Variants in IFIH1 observed in about 807,000 individuals in gnomAD.
The protein encoded by IFIH1 is interferon induced with helicase C domain 1.
A neutral mutation model predicts 107.4 loss-of-function variants in IFIH1; 125 were observed. That is an observed-to-expected ratio of 1.16 (90% CI 1.01 to 1.35). IFIH1 has a LOEUF of 1.35. IFIH1 is among the 40% of genes most tolerant of loss of function. The pLI is 0.00. For missense variants in IFIH1, 1,333 were observed against 1,213.7 expected (o/e 1.10, Z -1.46); for synonymous variants, 458 against 413.2 (o/e 1.11, Z -1.31).
chr2:162,316,648 A>AAG (rs1040656055), intron 1 of IFIH1, among the ~76,000 whole-genome samples: 28 of 152,140 alleles, frequency 1.8e-4, no homozygotes, highest in African/African-American at 6.7e-4. Flanking sequence ...GATGACCCAA[A>AAG]AGAGAGAGAG....
rs1048962898 is a variant in IFIH1, at chr2:162,310,925, A to C, written c.462T>G (p.Ala154=). ...LTIEDRNRIA[A]AENNGNESGV... ...CTGATTCATTTCCATTGTTTTCTGC[A>C]GCAGCAATCTGTTGTAAGAGAAAAT... The change falls in exon 2 of 16, where the codon GCT becomes GCG. Residue 154 remains alanine (A), a synonymous_variant. Coordinates refer to ENST00000649979, the MANE Select transcript of IFIH1 (RefSeq NM_022168.4). 8 of 1,612,342 alleles carry C rather than the reference A, an allele frequency of 5.0e-6. No homozygotes were observed. The highest frequency in any genetic ancestry group is 1.3e-5 in the African/African-American group (1 of 74,856).
intron 2 of IFIH1, among the ~76,000 whole-genome samples, chr2:162,307,429 A>T (rs987503599): frequency 1.3e-5 from 2 of 152,200 alleles, no homozygotes; most frequent in African/African-American, 4.8e-5. Context: ...CATCTGCTTT[A>T]ATGTCAGCCT....
intron 5 of IFIH1, among the ~76,000 whole-genome samples, chr2:162,285,908 T>G (rs1682884636): frequency 6.6e-6 from 1 of 151,964 alleles, no homozygotes; most frequent in African/African-American, 2.4e-5. Flanking sequence ...TGTTCTAGTT[T>G]AAGAGATTTT....
chr2:162,283,997 A>C (rs1306575109), intron 5 of IFIH1, among the ~76,000 whole-genome samples: 1 of 151,480 alleles, frequency 6.6e-6, no homozygotes, highest in African/African-American at 2.4e-5. Flanking sequence ...TTTTTTTCAA[A>C]GTAAAGTCTC....
chr2:162,305,329 G>C (rs2105225502), intron 3 of IFIH1, among the ~76,000 whole-genome samples: 1 of 152,284 alleles, frequency 6.6e-6, no homozygotes, highest in African/African-American at 2.4e-5. Context: ...CAGCACTTTG[G>C]GAGGCCGAGT....
chr2:162,313,020 C>T (rs958171681), intron 1 of IFIH1, among the ~76,000 whole-genome samples: 1 of 152,114 alleles, frequency 6.6e-6, no homozygotes, highest in African/African-American at 2.4e-5. Context: ...ATTTTTCAAG[C>T]TTTCTTTGCC....
At chr2:162,304,551 T>A (rs1466292764) in intron 3 of IFIH1, among the ~76,000 whole-genome samples, 1 of 151,952 alleles carries the variant, frequency 6.6e-6, no homozygotes, top group Non-Finnish European at 1.5e-5. Flanking sequence ...GTGAAAAAAA[T>A]TGGTACTATT....
At chr2:162,271,140 G>T (rs1202181131) in intron 13 of IFIH1, among the ~76,000 whole-genome samples, 4 of 152,084 alleles carry the variant, frequency 2.6e-5, no homozygotes, top group Non-Finnish European at 5.9e-5. Flanking sequence ...TCAAATAACT[G>T]TGTGTTAGTA....
chr2:162,295,865 G>A (rs1460300190), intron 3 of IFIH1, among the ~76,000 whole-genome samples: 1 of 151,952 alleles, frequency 6.6e-6, no homozygotes, highest in Non-Finnish European at 1.5e-5. Flanking sequence ...AAAAGGCAAG[G>A]TGTAAAATGA....
In IFIH1 at chr2:162,288,294, T is replaced by C. The variant is rs141400192; in HGVS notation, c.936A>G (p.Gln312=). ...CCAAGGCTGGCTGGGCAACTTCCAT[T>C]TGGTAAGGCCTGAGCTGGAGTTCTG... The part of the protein sequence containing the change: ...PEPELQLRPY[Q]MEVAQPALEG... Residue 312 remains glutamine, a synonymous_variant, in exon 5 of 16, where the codon CAA becomes CAG. Coordinates refer to ENST00000649979, the MANE Select transcript of IFIH1 (RefSeq NM_022168.4). 5.5e-5 allele frequency: 88 copies of C among 1,612,710 alleles called. No homozygotes were observed. The highest frequency in any genetic ancestry group is 1.7e-6 in the Non-Finnish European group (2 of 1,179,256).
chr2:162,271,141 T>C (rs935065356), intron 13 of IFIH1, among the ~76,000 whole-genome samples: 2 of 152,098 alleles, frequency 1.3e-5, no homozygotes, highest in African/African-American at 2.4e-5. Flanking sequence ...CAAATAACTG[T>C]GTGTTAGTAA....
intron 11 of IFIH1, 87 bp downstream of exon 11, chr2:162,276,600 G>A (rs770228217): frequency 6.1e-5 from 88 of 1,435,468 alleles, no homozygotes; most frequent in Non-Finnish European, 7.1e-5. Context: ...GCGAGGCCTC[G>A]TCTGAAAGAA....
chr2:162,283,352 G>C (rs183043210), intron 5 of IFIH1, among the ~76,000 whole-genome samples: 1 of 151,946 alleles, frequency 6.6e-6, no homozygotes, highest in African/African-American at 2.4e-5. Flanking sequence ...TGGAAACTTC[G>C]GGTCCTTCTC....
intron 10 of IFIH1, among the ~76,000 whole-genome samples, 161 bp from the exon 11 acceptor site, chr2:162,277,107 C>A (rs1682696799): frequency 6.6e-6 from 1 of 152,066 alleles, no homozygotes; most frequent in Non-Finnish European, 1.5e-5. Context: ...GTAAAACATA[C>A]AACGAATTAC....
intron 4 of IFIH1, among the ~76,000 whole-genome samples, chr2:162,291,006 T>C (rs1421267717): frequency 1.3e-5 from 2 of 151,862 alleles, no homozygotes; most frequent in South Asian, 2.1e-4. Context: ...AATGTTTGGG[T>C]TTTTGATTGT....
chr2:162,308,618 T>C (rs1683332091), intron 2 of IFIH1, among the ~76,000 whole-genome samples: 2 of 152,178 alleles, frequency 1.3e-5, no homozygotes, highest in South Asian at 4.1e-4. Context: ...CCTCAGGTGA[T>C]CCACCCGTCT....
chr2:162,271,863 C>T lies in IFIH1; in HGVS notation c.2616+363G>A, dbSNP rs114170801. ...ATAAGGTTACCTGGCACACAGTAGG[C>T]GTTTCATCTACATTTCTGAAATTAA... On this transcript the variant is annotated intron_variant, in intron 13 of 15. Coordinates refer to ENST00000649979, the MANE Select transcript of IFIH1 (RefSeq NM_022168.4). 1.8e-3 allele frequency among the ~76,000 whole-genome samples: 269 copies of T among 152,244 alleles called. 1 individual carries two copies. The highest frequency in any genetic ancestry group is 5.7e-3 in the African/African-American group (237 of 41,556).
chr2:162,314,707 C>G (rs1342073817), intron 1 of IFIH1, among the ~76,000 whole-genome samples: 1 of 151,908 alleles, frequency 6.6e-6, no homozygotes, highest in Non-Finnish European at 1.5e-5. Flanking sequence ...CCAGGATGGT[C>G]TCCATCTCCT....
intron 3 of IFIH1, among the ~76,000 whole-genome samples, chr2:162,295,962 C>T (rs1216684660): frequency 6.6e-6 from 1 of 151,884 alleles, no homozygotes; most frequent in African/African-American, 2.4e-5. Context: ...TTTTGACATG[C>T]TTTTCATTTG....
Sources: allele counts gnomAD v4.1 joint callset (sites outside exome capture counted in the v4.1 genomes callset), GRCh38; gene constraint gnomAD v4.1.1; transcripts MANE v1.5; gene names NCBI Gene and HGNC (gene_info 2026-07-23, HGNC 2026-07-21).